ACSS3: variants seen among roughly 807,000 people sequenced by gnomAD.
The protein encoded by ACSS3 is acyl-CoA synthetase short chain family member 3.
Under a neutral mutation model 84.2 loss-of-function variants are expected in ACSS3, and 64 were observed. The observed-to-expected ratio is 0.76, with a 90% CI of 0.62 to 0.94. The LOEUF (loss-of-function observed/expected upper bound fraction) is 0.94, where lower values mean the gene tolerates loss of function less well. Ranked by LOEUF, ACSS3 falls within the 40% of genes least tolerant of loss-of-function variation. The pLI is 0.00. For synonymous variants in ACSS3, 317 were observed against 310.1 expected, an observed-to-expected ratio of 1.02 and a Z score of -0.23; for missense variants, 815 against 867.6, an observed-to-expected ratio of 0.94 and a Z score of 0.76.
intron 5 of ACSS3, among the ~76,000 whole-genome samples, chr12:81,148,727 A>C (rs1886461595): frequency 6.6e-6 from 1 of 151,842 alleles, no homozygotes; most frequent in Non-Finnish European, 1.5e-5. Context: ...AGAATATATG[A>C]GATCATCTAG....
chr12:81,204,003 A>G (rs1380975421), intron 9 of ACSS3, among the ~76,000 whole-genome samples: 1 of 152,190 alleles, frequency 6.6e-6, no homozygotes. Flanking sequence ...AGAAATGAAC[A>G]GCCAGAACTT....
chr12:81,098,343 C>T (rs950378682), intron 1 of ACSS3, among the ~76,000 whole-genome samples: 6 of 152,024 alleles, frequency 3.9e-5, no homozygotes, highest in Non-Finnish European at 7.4e-5. Context: ...GTATGGATAG[C>T]TCATATTTAT....
At chr12:81,226,466 C>T (rs966897075) in intron 11 of ACSS3, among the ~76,000 whole-genome samples, 2 of 151,846 alleles carry the variant, frequency 1.3e-5, no homozygotes, top group African/African-American at 4.8e-5. Context: ...GTGAGCATAT[C>T]AATATATCCA....
intron 7 of ACSS3, among the ~76,000 whole-genome samples, chr12:81,159,902 A>G (rs1484725741): frequency 6.6e-6 from 1 of 152,122 alleles, no homozygotes. Context: ...AATCCAACAC[A>G]TTTCTCTAAG....
chr12:81,083,372 T>C (rs1437739955), intron 1 of ACSS3, among the ~76,000 whole-genome samples: 1 of 150,672 alleles, frequency 6.6e-6, no homozygotes, highest in Non-Finnish European at 1.5e-5. Context: ...TTTTTTTTTC[T>C]TTTGAGACGG....
intron 13 of ACSS3, among the ~76,000 whole-genome samples, chr12:81,241,267 G>A (rs1305255839): frequency 6.6e-6 from 1 of 151,974 alleles, no homozygotes; most frequent in African/African-American, 2.4e-5. Context: ...CCAAGTCTTT[G>A]CTATTGTGAA....
intron 11 of ACSS3, among the ~76,000 whole-genome samples, chr12:81,230,243 A>G (rs2033413212): frequency 6.6e-6 from 1 of 151,904 alleles, no homozygotes; most frequent in Admixed American, 6.6e-5. Flanking sequence ...GTGTTCAGAA[A>G]TCAATTTGAG....
intron 10 of ACSS3, among the ~76,000 whole-genome samples, chr12:81,217,497 T>G (rs1479976338): frequency 2.0e-5 from 3 of 152,328 alleles, no homozygotes; most frequent in Non-Finnish European, 4.4e-5. Context: ...ATATTACACA[T>G]GCTGCATTTT....
chr12:81,213,214 G>A (rs1468730964), intron 9 of ACSS3, among the ~76,000 whole-genome samples: 1 of 152,118 alleles, frequency 6.6e-6, no homozygotes, highest in East Asian at 1.9e-4. Context: ...GGGGCTTTGG[G>A]AGTTCATAGG....
chr12:81,204,750 G>A (rs2032271537), intron 9 of ACSS3, among the ~76,000 whole-genome samples: 1 of 152,174 alleles, frequency 6.6e-6, no homozygotes, highest in Non-Finnish European at 1.5e-5. Context: ...TATATTGAAA[G>A]TGTTTCAAGT....
intron 2 of ACSS3, among the ~76,000 whole-genome samples, chr12:81,121,770 C>G (rs553660658): frequency 6.6e-6 from 1 of 152,022 alleles, no homozygotes; most frequent in Non-Finnish European, 1.5e-5. Context: ...CCTCAATTCT[C>G]TTGTCACATA....
chr12:81,146,835 A>G (rs546056598), intron 5 of ACSS3, among the ~76,000 whole-genome samples: 75 of 152,300 alleles, frequency 4.9e-4, no homozygotes, highest in African/African-American at 1.7e-3. Context: ...TATCTTGTTC[A>G]GTTTGATATC....
At chr12:81,121,632 C>T (rs1304962291) in intron 2 of ACSS3, among the ~76,000 whole-genome samples, 1 of 152,026 alleles carries the variant, frequency 6.6e-6, no homozygotes, top group African/African-American at 2.4e-5. Context: ...GCTAATCAAG[C>T]TCAATATGAC....
At chr12:81,139,849 A>G (rs1886006057) in intron 4 of ACSS3, among the ~76,000 whole-genome samples, 1 of 151,694 alleles carries the variant, frequency 6.6e-6, no homozygotes, top group African/African-American at 2.4e-5. Context: ...GTTAGCCAGG[A>G]TGGTCTCGAT....
intron 1 of ACSS3, among the ~76,000 whole-genome samples, chr12:81,103,980 G>A (rs1336071168): frequency 6.6e-6 from 1 of 152,090 alleles, no homozygotes; most frequent in Non-Finnish European, 1.5e-5. Flanking sequence ...TAACATATAT[G>A]ATATGAAGTC....
chr12:81,209,021 G>A (rs1257277698), intron 9 of ACSS3, among the ~76,000 whole-genome samples: 11 of 152,096 alleles, frequency 7.2e-5, no homozygotes, highest in Admixed American at 6.6e-4. Flanking sequence ...AATCATAATG[G>A]TAACATATAG....
intron 3 of ACSS3, among the ~76,000 whole-genome samples, chr12:81,138,685 G>T (rs1452873742): frequency 6.6e-6 from 1 of 152,124 alleles, no homozygotes; most frequent in African/African-American, 2.4e-5. Flanking sequence ...AATTATTGGA[G>T]ATTTGGGTCT....
At chr12:81,144,439 T>C (rs2135735440) in intron 5 of ACSS3, among the ~76,000 whole-genome samples, 1 of 152,310 alleles carries the variant, frequency 6.6e-6, no homozygotes, top group South Asian at 2.1e-4. Context: ...TTGGAAGATT[T>C]ATTTATTGAA....
chr12:81,134,099 G>T (rs1885665187), intron 2 of ACSS3, among the ~76,000 whole-genome samples: 1 of 151,706 alleles, frequency 6.6e-6, no homozygotes, highest in Non-Finnish European at 1.5e-5. Context: ...TGTGTATGTT[G>T]TATCCAAATA....
Sources: allele counts gnomAD v4.1 joint callset (sites outside exome capture counted in the v4.1 genomes callset), GRCh38; gene constraint gnomAD v4.1.1; transcripts MANE v1.5; gene names NCBI Gene and HGNC (gene_info 2026-07-23, HGNC 2026-07-21).